LHPP: variants seen among roughly 807,000 people sequenced by gnomAD.
LHPP encodes the protein phospholysine phosphohistidine inorganic pyrophosphate phosphatase.
A neutral mutation model predicts 30.3 loss-of-function variants in LHPP; 24 were observed. That is an observed-to-expected ratio of 0.79 (90% CI 0.57 to 1.11). The LOEUF is 1.11. Ranked by LOEUF, LHPP falls within the 50% of genes most tolerant of loss-of-function variation. LHPP has a pLI of 0.00. For missense variants in LHPP, 356 were observed against 367.2 expected, an observed-to-expected ratio of 0.97 and a Z score of 0.25; for synonymous variants, 150 against 157.1, an observed-to-expected ratio of 0.95 and a Z score of 0.34.
At chr10:124,570,027 T>C (rs1463154308) in intron 6 of LHPP, among the ~76,000 whole-genome samples, 7 of 147,506 alleles carry the variant, frequency 4.7e-5, no homozygotes, top group Admixed American at 4.7e-4. Context: ...ACTTCCTCTT[T>C]TGCCCACAGC....
At chr10:124,560,433 G>A (rs968415038) in intron 6 of LHPP, among the ~76,000 whole-genome samples, 8 of 152,180 alleles carry the variant, frequency 5.3e-5, no homozygotes, top group Admixed American at 2.0e-4. Context: ...ACCCATCTGC[G>A]TTTGCAATTT....
chr10:124,560,177 T>G (rs1228497400), intron 6 of LHPP, among the ~76,000 whole-genome samples: 1 of 152,256 alleles, frequency 6.6e-6, no homozygotes, highest in East Asian at 1.9e-4. Flanking sequence ...GGACTCTTTC[T>G]TGGTTTTAAA....
At chr10:124,543,734 C>T (rs771447340) in intron 6 of LHPP, among the ~76,000 whole-genome samples, 5 of 150,462 alleles carry the variant, frequency 3.3e-5, no homozygotes, top group Non-Finnish European at 7.4e-5. Flanking sequence ...CTAGTTTGTA[C>T]ATTTTTTATG....
chr10:124,563,132 G>C lies in LHPP; in HGVS notation c.716+45861G>C, dbSNP rs533076538. Among the ~76,000 whole-genome samples, 303 of 152,136 alleles carry C rather than the reference G, an allele frequency of 2.0e-3. 1 individual carries two copies. The highest frequency in any genetic ancestry group is 2.7e-3 in the Non-Finnish European group (182 of 68,002). ...CCATGGTACTCCTGGGCAGTTATCA[G>C]AGAAATGAAAAATTATAATTTACAC... On this transcript the variant is annotated intron_variant, in intron 6 of 6. Coordinates refer to ENST00000368842, the MANE Select transcript of LHPP (RefSeq NM_022126.4).
chr10:124,582,556 A>G (rs1000230281), intron 6 of LHPP, among the ~76,000 whole-genome samples: 1 of 146,238 alleles, frequency 6.8e-6, no homozygotes, highest in Non-Finnish European at 1.5e-5. Flanking sequence ...GAAAATCTGT[A>G]TATACCTTTG....
At chr10:124,483,684 G>A (rs867482268) in intron 1 of LHPP, among the ~76,000 whole-genome samples, 1 of 152,176 alleles carries the variant, frequency 6.6e-6, no homozygotes, top group South Asian at 2.1e-4. Context: ...TTGAATCTGG[G>A]AGGCGGAGGT....
chr10:124,596,549 G>A lies in LHPP; in HGVS notation c.717-16715G>A, dbSNP rs1948945160. On this transcript the variant is annotated intron_variant, in intron 6 of 6. Coordinates refer to ENST00000368842, the MANE Select transcript of LHPP (RefSeq NM_022126.4). This position sits in a 1 kb window ranked among gnomAD's most constrained non-coding sequence, Gnocchi z 4.6. ...CCGGCGCTCATAAGCAGTCCCGTGT[G>A]AATCCTTGGAGAGCTGTGGAGGTAG... Among the ~76,000 whole-genome samples, 1 of 152,192 alleles carries A rather than the reference G, an allele frequency of 6.6e-6. No homozygotes were observed. Among genetic ancestry groups the A allele is most frequent in the South Asian group, 2.1e-4 (1 of 4,830 alleles).
At chr10:124,488,712 T>G in intron 3 of LHPP, 137 bp downstream of exon 3, 1 of 691,134 alleles carries the variant, frequency 1.4e-6, no homozygotes, top group Non-Finnish European at 2.4e-6. Flanking sequence ...TCCCTCCCTT[T>G]TTCATGCTTT....
At position 124,541,491 on chromosome 10, in the gene LHPP, A is replaced by T. The variant is rs1955188175; in HGVS notation, c.716+24220A>T. On this transcript the variant is annotated intron_variant, in intron 6 of 6. Coordinates refer to ENST00000368842, the MANE Select transcript of LHPP (RefSeq NM_022126.4). The surrounding 1 kb of genome is among the most constrained non-coding windows in gnomAD (Gnocchi z 4.2). ...CCCAGACCTAACGGAGTTGCGGCTC[A>T]TGGCCACCCTGAGGAATTCCACCTG... Among the ~76,000 whole-genome samples the T allele has an allele frequency of 2.0e-5, 3 of 152,098 alleles. No individual in the cohort carries two copies. Among genetic ancestry groups the T allele is most frequent in the African/African-American group, 4.8e-5 (2 of 41,426 alleles).
rs925966832 is a variant in LHPP, at chr10:124,590,938, T to A, written c.717-22326T>A. 6.6e-6 allele frequency among the ~76,000 whole-genome samples: 1 copy of A among 152,254 alleles called. No individual in the cohort carries two copies. Among genetic ancestry groups the A allele is most frequent in the Non-Finnish European group, 1.5e-5 (1 of 68,048 alleles). Reference sequence around the variant, plus strand: ...TCCTTTCCAGGAAACAGGATCCCTGTCTCAGACAGAAGCAGTCTCGCCCAT... The same window carrying A: ...TCCTTTCCAGGAAACAGGATCCCTGACTCAGACAGAAGCAGTCTCGCCCAT... On this transcript the variant is annotated intron_variant, in intron 6 of 6. Transcript: ENST00000368842. This position sits in a 1 kb window ranked among gnomAD's most constrained non-coding sequence, Gnocchi z 4.3.
intron 6 of LHPP, among the ~76,000 whole-genome samples, chr10:124,548,013 G>A (rs1178556453): frequency 2.6e-5 from 4 of 152,224 alleles, no homozygotes; most frequent in African/African-American, 7.2e-5. Context: ...GGGTGTGTTT[G>A]CTGTGGATGG....
chr10:124,600,289 G>T (rs1398133652), intron 6 of LHPP, among the ~76,000 whole-genome samples: 2 of 152,250 alleles, frequency 1.3e-5, no homozygotes, highest in Non-Finnish European at 2.9e-5. Flanking sequence ...TTCTGTTACT[G>T]GCACCTGCAG....
chr10:124,495,956 G>T (rs1180242118), intron 3 of LHPP, among the ~76,000 whole-genome samples: 1 of 152,178 alleles, frequency 6.6e-6, no homozygotes, highest in Non-Finnish European at 1.5e-5. Context: ...CCGTTAGAAG[G>T]CAGTGAGATC....
rs554910247 is a variant in LHPP at position 124,600,612 on chromosome 10, C to A, written c.717-12652C>A. ...GGGCCTCCCCGGAGGAGGTGAAGTG[C>A]ATGTGGCCCCTCGTGCTGGATGGAG... On this transcript the variant is annotated intron_variant, in intron 6 of 6. Transcript: ENST00000368842. Among the ~76,000 whole-genome samples the A allele has an allele frequency of 3.3e-5, 5 of 152,348 alleles. No individual in the cohort carries two copies. In the East Asian group the frequency reaches 9.6e-4, roughly 29 times the overall value.
chr10:124,517,393 T>C lies in LHPP; in HGVS notation c.716+122T>C. 1 of 626,178 alleles carries C rather than the reference T, an allele frequency of 1.6e-6. No individual in the cohort carries two copies. The highest frequency in any genetic ancestry group is 2.7e-6 in the Non-Finnish European group (1 of 376,984). 38.8% of individuals were successfully genotyped at this position (626,178 alleles called of 1,614,324 possible). On this transcript the variant is annotated intron_variant, in intron 6 of 6. Transcript: ENST00000368842. The surrounding 1 kb of genome is among the most constrained non-coding windows in gnomAD (Gnocchi z 4.1). ...CAAATCAAAGAGCAGTATGTGGGCATTCACTATCTTGTATGTAATGGACCT... is the reference window on the plus strand; with the variant it reads ...CAAATCAAAGAGCAGTATGTGGGCACTCACTATCTTGTATGTAATGGACCT...
chr10:124,466,430 C>G (rs1348139961), intron 1 of LHPP, among the ~76,000 whole-genome samples: 1 of 152,106 alleles, frequency 6.6e-6, no homozygotes. Flanking sequence ...GAGAAAGACT[C>G]TTCACTGTAT....
At chr10:124,535,486 C>T (rs912310025) in intron 6 of LHPP, among the ~76,000 whole-genome samples, 3 of 152,192 alleles carry the variant, frequency 2.0e-5, no homozygotes, top group Admixed American at 6.5e-5. Context: ...ACTGCAGCCT[C>T]GACTTCTGAT....
Position 124,576,333 on chromosome 10 carries a change from C to T in LHPP, c.717-36931C>T, listed in dbSNP as rs1427511846. ...GGGTATGAGGCAGCATGTGGGGGCG[C>T]TGGGGTGGCAGCAGGGCCAGACCCC... On this transcript the variant is annotated intron_variant, in intron 6 of 6. Coordinates refer to ENST00000368842, the MANE Select transcript of LHPP (RefSeq NM_022126.4). This position sits in a 1 kb window ranked among gnomAD's most constrained non-coding sequence, Gnocchi z 4.2. 1.3e-5 allele frequency among the ~76,000 whole-genome samples: 2 copies of T among 152,116 alleles called. No homozygotes were observed. Among genetic ancestry groups the T allele is most frequent in the Non-Finnish European group, 2.9e-5 (2 of 67,988 alleles).
rs1339516490 is a variant in LHPP, at chr10:124,590,738, C to T, written c.717-22526C>T. Among the ~76,000 whole-genome samples, 1 of 152,240 alleles carries T rather than the reference C, an allele frequency of 6.6e-6. No homozygotes were observed. Among genetic ancestry groups the T allele is most frequent in the Non-Finnish European group, 1.5e-5 (1 of 68,042 alleles). ...CCCCAGCGCTGCCACCTGCCTGCCT[C>T]CTCTGCCACCGAGGGAAGCCATGTC... On this transcript the variant is annotated intron_variant, in intron 6 of 6. Coordinates refer to ENST00000368842, the MANE Select transcript of LHPP (RefSeq NM_022126.4). The surrounding 1 kb of genome is among the most constrained non-coding windows in gnomAD (Gnocchi z 4.3).
Sources: gnomAD v4.1 joint callset for allele counts (sites outside exome capture counted in the v4.1 genomes callset) on GRCh38, gnomAD v4.1.1 for gene constraint, Gnocchi (gnomAD v3.1) non-coding constraint, MANE v1.5 for transcripts, NCBI Gene and HGNC (gene_info 2026-07-23, HGNC 2026-07-21) for gene names.